RBFOX1: variants seen among roughly 807,000 people sequenced by gnomAD.
RBFOX1 encodes RNA binding protein fox-1 homolog 1.
RBFOX1 carries 8 observed loss-of-function variants against 57.7 expected under a neutral mutation model. The observed-to-expected ratio is 0.14, with a 90% CI of 0.08 to 0.25. RBFOX1 has a LOEUF of 0.25. RBFOX1 is among the 10% of genes least tolerant of loss of function. The pLI is 1.00. For synonymous variants in RBFOX1, 326 were observed against 222.4 expected, an observed-to-expected ratio of 1.47 and a Z score of -4.15; for missense variants, 611 against 548.5, an observed-to-expected ratio of 1.11 and a Z score of -1.14.
chr16:6,828,029 C>T (rs1286347771), intron 3 of RBFOX1, among the ~76,000 whole-genome samples: 1 of 152,186 alleles, frequency 6.6e-6, no homozygotes, highest in Non-Finnish European at 1.5e-5. Flanking sequence ...GAGCTCAATA[C>T]TGGCACTGGT....
intron 4 of RBFOX1, among the ~76,000 whole-genome samples, chr16:7,320,509 T>G (rs1314704456): frequency 3.3e-5 from 5 of 152,240 alleles, no homozygotes; most frequent in African/African-American, 1.2e-4. Context: ...TCCATGTCTT[T>G]GCTATTGTGA....
intron 4 of RBFOX1, among the ~76,000 whole-genome samples, chr16:7,215,076 A>C (rs1019318160): frequency 1.3e-5 from 2 of 152,094 alleles, no homozygotes; most frequent in African/African-American, 4.8e-5. Context: ...CCCCGCGGAC[A>C]GGCCCTGGTG....
Position 5,544,737 on chromosome 16 carries a change from AAAG to A in RBFOX1, c.259-54163_259-54161del, listed in dbSNP as rs1437487792. On this transcript the variant is annotated intron_variant, in intron 2 of 2. Coordinates refer to the RBFOX1 transcript ENST00000585867. ...CTTAAATAAGGCATAACTATATCTT[AAAG>A]ATAATATGGGAATATTGTGAACAAC... Among the ~76,000 whole-genome samples the A allele has an allele frequency of 1.7e-4, 26 of 152,176 alleles. 1 individual carries two copies. The highest frequency in any genetic ancestry group is 1.7e-3 in the Admixed American group (26 of 15,272).
chr16:6,382,091 G>A (rs2091869277), intron 2 of RBFOX1, among the ~76,000 whole-genome samples: 2 of 152,196 alleles, frequency 1.3e-5, no homozygotes, highest in African/African-American at 4.8e-5. Flanking sequence ...AGATGGGTGT[G>A]GCTGTGTTCC....
At chr16:5,903,529 T>A (rs944960255) in intron 4 of RBFOX1, among the ~76,000 whole-genome samples, 1 of 152,054 alleles carries the variant, frequency 6.6e-6, no homozygotes, top group African/African-American at 2.4e-5. Context: ...AGGAAGAGGA[T>A]GATAAGTGGA....
intron 1 of RBFOX1, among the ~76,000 whole-genome samples, chr16:5,354,449 G>T (rs965964978): frequency 6.6e-6 from 1 of 152,166 alleles, no homozygotes; most frequent in African/African-American, 2.4e-5. Context: ...GCCAAGCCCC[G>T]GTTTTCTTGT....
Position 7,227,295 on chromosome 16 carries a change from CA to C in RBFOX1, c.27+175198del, listed in dbSNP as rs1567795326. On this transcript the variant is annotated intron_variant, in intron 4 of 15. Transcript: ENST00000550418. ...TACCACACACACCCCACCCCACCCC[CA>C]CACACACACACAGCAAGGGAGGAAT... Among the ~76,000 whole-genome samples the C allele has an allele frequency of 5.7e-4, 78 of 135,726 alleles. 3 individuals are homozygous for C. The highest frequency in any genetic ancestry group is 2.3e-3 in the South Asian group (8 of 3,460). 89.0% of individuals were successfully genotyped at this position (135,726 alleles called of 152,430 possible).
intron 3 of RBFOX1, among the ~76,000 whole-genome samples, chr16:6,675,118 A>T (rs1305320098): frequency 6.6e-6 from 1 of 151,854 alleles, no homozygotes; most frequent in Admixed American, 6.6e-5. Flanking sequence ...GTTGGCCAGG[A>T]TGGTCTCGAT....
intron 4 of RBFOX1, among the ~76,000 whole-genome samples, chr16:7,351,124 T>C (rs1330386627): frequency 6.6e-6 from 1 of 152,194 alleles, no homozygotes; most frequent in Non-Finnish European, 1.5e-5. Context: ...GGACTGGATC[T>C]CTCACTTTTG....
At chr16:6,933,655 G>A (rs112221720) in intron 3 of RBFOX1, among the ~76,000 whole-genome samples, 2,172 of 152,346 alleles carry the variant, frequency 0.014, 56 homozygotes, top group African/African-American at 0.049. Context: ...AGAGGTTGCA[G>A]TGAGTCAAGA....
At chr16:5,786,093 A>G (rs889046764) in intron 3 of RBFOX1, among the ~76,000 whole-genome samples, 1 of 152,068 alleles carries the variant, frequency 6.6e-6, no homozygotes, top group African/African-American at 2.4e-5. Context: ...CAAAACCCTT[A>G]AGATGCTTTG....
intron 4 of RBFOX1, among the ~76,000 whole-genome samples, chr16:7,451,878 G>A (rs1197540927): frequency 6.6e-6 from 1 of 152,126 alleles, no homozygotes; most frequent in Non-Finnish European, 1.5e-5. Flanking sequence ...CATTTAAGCA[G>A]CAGAAGCTCT....
At chr16:6,114,488 G>A (rs1206074413) in intron 1 of RBFOX1, among the ~76,000 whole-genome samples, 1 of 152,160 alleles carries the variant, frequency 6.6e-6, no homozygotes, top group Non-Finnish European at 1.5e-5. Flanking sequence ...AATAGTTGCT[G>A]CAGTTATATT....
chr16:6,498,132 G>C (rs1219752754), intron 2 of RBFOX1, among the ~76,000 whole-genome samples: 2 of 151,686 alleles, frequency 1.3e-5, no homozygotes, highest in Non-Finnish European at 2.9e-5. Context: ...CGTGCCTGTA[G>C]TCCCAGCTAC....
At chr16:6,593,448 G>A (rs1334674631) in intron 2 of RBFOX1, among the ~76,000 whole-genome samples, 1 of 152,190 alleles carries the variant, frequency 6.6e-6, no homozygotes, top group Non-Finnish European at 1.5e-5. Context: ...TCAGTTTGGT[G>A]ATCGCCTCTT....
intron 3 of RBFOX1, among the ~76,000 whole-genome samples, chr16:5,823,141 A>G (rs996173269): frequency 2.6e-5 from 4 of 152,116 alleles, no homozygotes; most frequent in African/African-American, 7.2e-5. Context: ...TACCCTGAGG[A>G]TCCTGGAGGA....
chr16:7,504,743 A>ATATATATATATATT (rs2072407109), intron 4 of RBFOX1, among the ~76,000 whole-genome samples: 1 of 14,966 alleles, frequency 6.7e-5, no homozygotes, highest in Non-Finnish European at 1.3e-4. Context: ...ATATATATAT[A>ATATATATATATATT]TATATATATA....
chr16:5,486,388 G>A (rs1051162219), intron 2 of RBFOX1, among the ~76,000 whole-genome samples: 1 of 152,164 alleles, frequency 6.6e-6, no homozygotes, highest in African/African-American at 2.4e-5. Context: ...GAGAGGAGCC[G>A]AGGGGACCAA....
chr16:6,916,690 C>T (rs1249471230), intron 3 of RBFOX1, among the ~76,000 whole-genome samples: 4 of 152,086 alleles, frequency 2.6e-5, no homozygotes, highest in African/African-American at 4.8e-5. Context: ...CTCTCATTGG[C>T]CGCAGTTATG....
Sources: gnomAD v4.1 joint callset for allele counts (sites outside exome capture counted in the v4.1 genomes callset) on GRCh38, gnomAD v4.1.1 for gene constraint, MANE v1.5 for transcripts, NCBI Gene and HGNC (gene_info 2026-07-23, HGNC 2026-07-21) for gene names.